LRMDA: variants seen among roughly 807,000 people sequenced by gnomAD.
The protein encoded by LRMDA is leucine-rich melanocyte differentiation-associated protein.
Under a neutral mutation model 29.8 loss-of-function variants are expected in LRMDA, and 18 were observed. The ratio of observed to expected loss-of-function variants is 0.60; its 90% CI spans 0.42 to 0.90. LRMDA has a LOEUF of 0.90. Ranked by LOEUF, LRMDA falls within the 40% of genes least tolerant of loss-of-function variation. The pLI, the probability that LRMDA is intolerant of heterozygous loss-of-function variation, is 0.00. For missense variants in LRMDA, 273 were observed against 273.9 expected (o/e 1.00, Z 0.02); for synonymous variants, 125 against 109.4 (o/e 1.14, Z -0.89).
At chr10:75,782,836 T>G in intron 2 of LRMDA, 2 of 1,490,974 alleles carry the variant, frequency 1.3e-6, no homozygotes, top group East Asian at 2.5e-5. Context: ...CCGGCGTGCA[T>G]GTGTTTTAGT....
chr10:75,793,509 T>G (rs1235422938), intron 2 of LRMDA, among the ~76,000 whole-genome samples: 1 of 152,224 alleles, frequency 6.6e-6, no homozygotes, highest in Non-Finnish European at 1.5e-5. Context: ...GTGGTAGTCA[T>G]TAGTGCTGTT....
chr10:75,913,170 A>G (rs1845868181), intron 2 of LRMDA, among the ~76,000 whole-genome samples: 1 of 152,050 alleles, frequency 6.6e-6, no homozygotes, highest in African/African-American at 2.4e-5. Context: ...ATATTAAAAC[A>G]TTTTCTGGCT....
chr10:75,452,694 T>C (rs1038041872), intron 2 of LRMDA, among the ~76,000 whole-genome samples: 2 of 151,998 alleles, frequency 1.3e-5, no homozygotes, highest in Non-Finnish European at 1.5e-5. Context: ...CTCTTCTTCC[T>C]GGAGATTTCA....
At chr10:76,155,362 T>A (rs78395648) in intron 5 of LRMDA, among the ~76,000 whole-genome samples, 23,121 of 151,962 alleles carry the variant, frequency 0.15, 1,968 homozygotes, top group East Asian at 0.24. Context: ...GAAATCTCTG[T>A]CACTCTTCTC....
intron 5 of LRMDA, among the ~76,000 whole-genome samples, chr10:76,120,489 A>T (rs1024080628): frequency 6.6e-6 from 1 of 152,132 alleles, no homozygotes; most frequent in South Asian, 2.1e-4. Context: ...TGCCTGGCCA[A>T]GTATGTGTTG....
chr10:76,106,997 T>A (rs1849497517), intron 5 of LRMDA, among the ~76,000 whole-genome samples: 1 of 152,190 alleles, frequency 6.6e-6, no homozygotes, highest in Admixed American at 6.5e-5. Flanking sequence ...CCAGAGCAGC[T>A]ATTTCTGCCC....
chr10:76,431,646 T>C (rs942618783), intron 6 of LRMDA, among the ~76,000 whole-genome samples: 3 of 152,202 alleles, frequency 2.0e-5, no homozygotes, highest in East Asian at 1.9e-4. Context: ...CAGTGGATGA[T>C]AACTTAGACC....
intron 2 of LRMDA, among the ~76,000 whole-genome samples, chr10:75,444,742 C>G (rs1475027781): frequency 1.3e-5 from 2 of 151,812 alleles, no homozygotes; most frequent in South Asian, 4.2e-4. Flanking sequence ...ATTGGAAAAC[C>G]CAGAGAAAGT....
intron 6 of LRMDA, among the ~76,000 whole-genome samples, chr10:76,509,902 G>A (rs979411884): frequency 2.0e-5 from 3 of 152,190 alleles, no homozygotes; most frequent in African/African-American, 4.8e-5. Flanking sequence ...TTTAAGCTGA[G>A]AGCCTGGGCT....
At chr10:76,518,619 A>T (rs188815039) in intron 6 of LRMDA, among the ~76,000 whole-genome samples, 2 of 152,288 alleles carry the variant, frequency 1.3e-5, no homozygotes, top group Admixed American at 1.3e-4. Flanking sequence ...ATTATAAGAG[A>T]TCTTCATTTT....
intron 5 of LRMDA, among the ~76,000 whole-genome samples, chr10:76,154,281 C>A (rs369348664): frequency 1.1e-4 from 17 of 152,290 alleles, no homozygotes; most frequent in African/African-American, 4.1e-4. Flanking sequence ...ATGTGTTTGA[C>A]AGTCCTGGCC....
chr10:75,901,174 C>T lies in LRMDA; in HGVS notation c.132-134834C>T, dbSNP rs78341882. ...ATCTCTGTGTGAGTCACCTTGAACT[C>T]CAGTGGTCTGGGAGTAGCCTCTGTG... On this transcript the variant is annotated intron_variant, in intron 2 of 6. Transcript: ENST00000611255. Among the ~76,000 whole-genome samples the T allele has an allele frequency of 2.4e-3, 373 of 152,266 alleles. 2 individuals carry two copies. The highest frequency in any genetic ancestry group is 8.6e-3 in the African/African-American group (358 of 41,558).
chr10:75,475,049 T>C (rs1844773406), intron 2 of LRMDA, among the ~76,000 whole-genome samples: 1 of 152,168 alleles, frequency 6.6e-6, no homozygotes, highest in Non-Finnish European at 1.5e-5. Flanking sequence ...AATGTTTCTC[T>C]TGAGAAACAC....
intron 6 of LRMDA, among the ~76,000 whole-genome samples, chr10:76,344,323 A>T (rs867380291): frequency 6.6e-6 from 1 of 152,188 alleles, no homozygotes; most frequent in Non-Finnish European, 1.5e-5. Context: ...ATAATCAAAC[A>T]TTAACAAAAA....
At chr10:75,634,457 A>G (rs376984810) in intron 2 of LRMDA, among the ~76,000 whole-genome samples, 10 of 152,090 alleles carry the variant, frequency 6.6e-5, no homozygotes, top group African/African-American at 2.2e-4. Flanking sequence ...GGGAAAATGA[A>G]CTCTTTCTCC....
At chr10:75,602,088 A>G (rs1246444010) in intron 2 of LRMDA, among the ~76,000 whole-genome samples, 2 of 152,178 alleles carry the variant, frequency 1.3e-5, no homozygotes, top group Non-Finnish European at 2.9e-5. Context: ...GGGTCAAATC[A>G]TGTGCCTCAT....
rs114026035 is a variant in LRMDA at position 75,947,402 on chromosome 10, G to A, written c.132-88606G>A. Among the ~76,000 whole-genome samples the A allele has an allele frequency of 7.5e-3, 1,145 of 152,212 alleles. 19 individuals carry two copies. Among genetic ancestry groups the A allele is most frequent in the African/African-American group, 0.026 (1,081 of 41,526 alleles). ...CTTGTCTGTTTCCCCATGCTAGTTCGCAAGCCTCACTTCAGGCAGCCATCC... is the reference window on the plus strand; with the variant it reads ...CTTGTCTGTTTCCCCATGCTAGTTCACAAGCCTCACTTCAGGCAGCCATCC... On this transcript the variant is annotated intron_variant, in intron 2 of 6. Coordinates refer to ENST00000611255, the MANE Select transcript of LRMDA (RefSeq NM_001305581.2).
At chr10:76,364,759 A>G (rs1349647866) in intron 6 of LRMDA, among the ~76,000 whole-genome samples, 1 of 151,758 alleles carries the variant, frequency 6.6e-6, no homozygotes, top group Non-Finnish European at 1.5e-5. Flanking sequence ...GTACATGAGT[A>G]AGTCCTTTAG....
At chr10:75,884,525 A>T (rs1243989862) in intron 2 of LRMDA, among the ~76,000 whole-genome samples, 6 of 152,182 alleles carry the variant, frequency 3.9e-5, no homozygotes, top group African/African-American at 1.4e-4. Context: ...AACTAAGAAG[A>T]AGATCAGAAA....
Sources: gnomAD v4.1 joint callset for allele counts (sites outside exome capture counted in the v4.1 genomes callset) on GRCh38, gnomAD v4.1.1 for gene constraint, MANE v1.5 for transcripts, NCBI Gene and HGNC (gene_info 2026-07-23, HGNC 2026-07-21) for gene names.